The following TTLL6 variants were observed in gnomAD, a reference collection of about 807,000 sequenced individuals.
TTLL6 encodes the protein tubulin tyrosine ligase like 6, also known as tubulin polyglutamylase TTLL6.
Under a neutral mutation model 96.4 loss-of-function variants are expected in TTLL6, and 75 were observed. The ratio of observed to expected loss-of-function variants is 0.78; its 90% CI spans 0.65 to 0.94. TTLL6 has a LOEUF of 0.94. Ranked by LOEUF, TTLL6 falls within the 40% of genes least tolerant of loss-of-function variation. The pLI is 0.00. For synonymous variants in TTLL6, 411 were observed against 419.4 expected, an observed-to-expected ratio of 0.98 and a Z score of 0.24; for missense variants, 1,030 against 1,093.0, an observed-to-expected ratio of 0.94 and a Z score of 0.81.
At chr17:48,776,989 A>C (rs2038884742) in intron 13 of TTLL6, among the ~76,000 whole-genome samples, 2 of 147,924 alleles carry the variant, frequency 1.4e-5, no homozygotes, top group African/African-American at 5.0e-5. Flanking sequence ...AATCAAGACA[A>C]TGTGGTATTG....
At chr17:48,774,092 A>AAC (rs1555563604) in intron 13 of TTLL6, among the ~76,000 whole-genome samples, 1 of 79,648 alleles carries the variant, frequency 1.3e-5, no homozygotes, top group African/African-American at 4.7e-5. Flanking sequence ...CAAAAAAAAC[A>AAC]AAACAAAAAA....
chr17:48,805,208 C>T (rs933217944), intron 1 of TTLL6, among the ~76,000 whole-genome samples: 2 of 152,232 alleles, frequency 1.3e-5, no homozygotes, highest in African/African-American at 2.4e-5. Context: ...ACTCAGCCAA[C>T]GCTAGCCTTG....
At chr17:48,808,796 C>T (rs1428817233) in intron 1 of TTLL6, among the ~76,000 whole-genome samples, 1 of 152,172 alleles carries the variant, frequency 6.6e-6, no homozygotes, top group African/African-American at 2.4e-5. Context: ...GTCTCAAACT[C>T]CTGACCTCAA....
chr17:48,787,802 T>C lies in TTLL6; in HGVS notation c.1589+9A>G, dbSNP rs780965587. The C allele has an allele frequency of 3.1e-6, 5 of 1,612,168 alleles. No homozygotes were observed. In the Admixed American group the frequency reaches 8.3e-5, roughly 27 times the overall value. ...CCCTCCACCGACCTCATCCCGGATG[T>C]CTTCCTACCGGGCATACTCCTCCCG... On this transcript the variant is annotated intron_variant, in intron 11 of 15. Transcript: ENST00000393382.
chr17:48,815,927 T>G (rs1258997171), intron 1 of TTLL6: 3 of 152,220 alleles, frequency 2.0e-5, no homozygotes, highest in Non-Finnish European at 4.4e-5. Flanking sequence ...AGGGCATTGC[T>G]AACAAAGACA....
At chr17:48,800,053 G>T (rs1011629381) in intron 5 of TTLL6, 2 of 307,416 alleles carry the variant, frequency 6.5e-6, no homozygotes, top group Admixed American at 8.6e-5. Flanking sequence ...TATACAGTGA[G>T]GATAATAACG....
chr17:48,804,041 C>T, intron 2 of TTLL6, 113 bp from the exon 3 acceptor site: 1 of 1,256,584 alleles, frequency 8.0e-7, no homozygotes. Flanking sequence ...TCTAGCCTGC[C>T]ATGCTAAGCC....
At chr17:48,784,095 A>G (rs1163885685) in intron 13 of TTLL6, among the ~76,000 whole-genome samples, 1 of 152,164 alleles carries the variant, frequency 6.6e-6, no homozygotes, top group Admixed American at 6.6e-5. Context: ...CCTAAATCCA[A>G]TGACTGGTGT....
At chr17:48,774,599 T>A (rs1219037839) in intron 13 of TTLL6, among the ~76,000 whole-genome samples, 2 of 151,956 alleles carry the variant, frequency 1.3e-5, no homozygotes, top group African/African-American at 4.8e-5. Flanking sequence ...CTACAGACAT[T>A]AAAATGAAAA....
At chr17:48,795,565 C>A (rs945520512) in intron 8 of TTLL6, among the ~76,000 whole-genome samples, 39 of 152,132 alleles carry the variant, frequency 2.6e-4, no homozygotes, top group Non-Finnish European at 1.3e-4. Flanking sequence ...TCATGAACTG[C>A]TCTCAATTTC....
At chr17:48,802,455 A>C (rs753987013) in intron 3 of TTLL6, among the ~76,000 whole-genome samples, 1 of 152,220 alleles carries the variant, frequency 6.6e-6, no homozygotes, top group Non-Finnish European at 1.5e-5. Flanking sequence ...TCCTGTCAGG[A>C]TTAATAAGTA....
At chr17:48,803,773 G>A (rs757821740) in intron 3 of TTLL6, 118 bp downstream of exon 3, 110 of 1,039,464 alleles carry the variant, frequency 1.1e-4, no homozygotes, top group Non-Finnish European at 1.4e-4. Context: ...GAGAACTGAA[G>A]GACAGGATTT....
chr17:48,778,309 TAAAG>T (rs912893788), intron 13 of TTLL6, among the ~76,000 whole-genome samples: 4 of 127,790 alleles, frequency 3.1e-5, no homozygotes, highest in African/African-American at 9.0e-5. Context: ...AAGAAAGAAA[TAAAG>T]AAAGAGAGAG....
chr17:48,790,216 A>C (rs2039193679), intron 9 of TTLL6, 110 bp from the exon 10 acceptor site: 4 of 1,167,264 alleles, frequency 3.4e-6, no homozygotes, highest in Non-Finnish European at 4.8e-6. Flanking sequence ...CAGGGCCCTC[A>C]CTACCAAGAT....
chr17:48,765,677 A>G (rs1365615692), intron 15 of TTLL6: 1 of 152,220 alleles, frequency 6.6e-6, no homozygotes, highest in Non-Finnish European at 1.5e-5. Flanking sequence ...ACCCCTCCTT[A>G]GGCAACCTGG....
rs374958356 is a variant in TTLL6, at chr17:48,789,899, G to A, written c.1400+32C>T. 10 of 1,607,776 alleles carry A rather than the reference G, an allele frequency of 6.2e-6. No homozygotes were observed. The African/African-American group carries it at 1.1e-4, about 17-fold the overall frequency. On this transcript the variant is annotated intron_variant, in intron 10 of 15. Transcript: ENST00000393382. Reference sequence around the variant, plus strand: ...ATTGGGAGCAGGGGAGTCAGAGAGAGAGCCCCGCAAGGCTGGGGAGTGCGA... The same window carrying A: ...ATTGGGAGCAGGGGAGTCAGAGAGAAAGCCCCGCAAGGCTGGGGAGTGCGA...
chr17:48,789,789 T>A (rs2039182008), intron 10 of TTLL6, 142 bp downstream of exon 10: 1 of 792,444 alleles, frequency 1.3e-6, no homozygotes, highest in Admixed American at 3.2e-5. Context: ...ACTCCTGACC[T>A]CAGGTGATCT....
chr17:48,797,142 G>A lies in TTLL6; in HGVS notation c.831C>T (p.Asp277=). The change falls in exon 7 of 16, where the codon GAC becomes GAT. Residue 277 remains aspartate (D), a synonymous_variant. Coordinates refer to ENST00000393382, the MANE Select transcript of TTLL6 (RefSeq NM_001130918.3). ...LRIYVLVTSC[D]PLRIFVYNEG... is the part of the protein sequence containing the mutation. ...CATTGTACACAAAAATCCTGAGAGG[G>A]TCACAGGATGTCACCAGTACATAAA... 6.4e-7 allele frequency: 1 copy of A among 1,551,546 alleles called. No individual in the cohort carries two copies. The highest frequency in any genetic ancestry group is 8.7e-7 in the Non-Finnish European group (1 of 1,146,906).
intron 1 of TTLL6, among the ~76,000 whole-genome samples, chr17:48,811,334 T>TGCTGGGATTACTCAAAGC (rs2039589294): frequency 6.6e-6 from 1 of 152,060 alleles, no homozygotes; most frequent in African/African-American, 2.4e-5. Context: ...CCACTCAAAG[T>TGCTGGGATTACTCAAAGC]GCTGGGATTA....
Sources: allele counts gnomAD v4.1 joint callset (sites outside exome capture counted in the v4.1 genomes callset), GRCh38; gene constraint gnomAD v4.1.1; transcripts MANE v1.5; gene names NCBI Gene and HGNC (gene_info 2026-07-23, HGNC 2026-07-21).